COPG2: variants seen among roughly 807,000 people sequenced by gnomAD.
The protein encoded by COPG2 is coatomer subunit gamma-2.
In COPG2, 37 loss-of-function variants were observed where a neutral mutation model predicts 46.3. The observed-to-expected ratio is 0.80, with a 90% CI of 0.61 to 1.05. The LOEUF (loss-of-function observed/expected upper bound fraction) is 1.05. Ranked by LOEUF, COPG2 falls within the 50% of genes least tolerant of loss-of-function variation. The pLI, the probability that COPG2 is intolerant of heterozygous loss-of-function variation, is 0.00. For synonymous variants in COPG2, 159 were observed against 129.7 expected, an observed-to-expected ratio of 1.23 and a Z score of -1.53; for missense variants, 427 against 387.8, an observed-to-expected ratio of 1.10 and a Z score of -0.85.
chr7:130,547,996 G>C (rs1419374002), intron 19 of COPG2, among the ~76,000 whole-genome samples, 151 bp from the exon 20 acceptor site: 1 of 152,180 alleles, frequency 6.6e-6, no homozygotes, highest in Non-Finnish European at 1.5e-5. Flanking sequence ...GCAACAGGGA[G>C]AGCCTTATTC....
intron 9 of COPG2, among the ~76,000 whole-genome samples, chr7:130,578,466 T>G (rs1260686025): frequency 6.6e-6 from 1 of 151,854 alleles, no homozygotes; most frequent in Non-Finnish European, 1.5e-5. Flanking sequence ...GGAATGCAGT[T>G]CCTCACCAGC....
chr7:130,649,368 C>T (rs148279019), intron 5 of COPG2, among the ~76,000 whole-genome samples: 101 of 152,270 alleles, frequency 6.6e-4, no homozygotes, highest in African/African-American at 2.4e-3. Context: ...TAACAGGTCT[C>T]TTCTTGACTT....
chr7:130,594,323 A>G (rs1250428451), intron 9 of COPG2, among the ~76,000 whole-genome samples: 3 of 152,226 alleles, frequency 2.0e-5, no homozygotes, highest in Admixed American at 1.3e-4. Flanking sequence ...CAAAGAATTA[A>G]GTTGAATCTC....
chr7:130,612,851 A>G (rs1794875873), intron 7 of COPG2, among the ~76,000 whole-genome samples: 1 of 152,168 alleles, frequency 6.6e-6, no homozygotes. Flanking sequence ...CACCAGAAAA[A>G]GCAGAGGACA....
At chr7:130,644,977 G>A (rs535412249) in intron 5 of COPG2, among the ~76,000 whole-genome samples, 1 of 151,000 alleles carries the variant, frequency 6.6e-6, no homozygotes, top group African/African-American at 2.4e-5. Context: ...CAGGAGAATC[G>A]CTTGAACCCA....
intron 9 of COPG2, among the ~76,000 whole-genome samples, chr7:130,592,105 C>T (rs1400780321): frequency 1.3e-5 from 2 of 152,186 alleles, no homozygotes; most frequent in East Asian, 3.8e-4. Flanking sequence ...ACCTTACCCC[C>T]AACCCTGTGC....
chr7:130,535,759 T>C (rs1799873992), intron 20 of COPG2, among the ~76,000 whole-genome samples: 1 of 151,430 alleles, frequency 6.6e-6, no homozygotes, highest in African/African-American at 2.4e-5. Flanking sequence ...TGGGCCAAGC[T>C]GTAGGCATTG....
In COPG2 at chr7:130,574,386, C is replaced by T. The variant is rs541320247; in HGVS notation, c.738-9993G>A. Among the ~76,000 whole-genome samples, 21 of 152,244 alleles carry T rather than the reference C, an allele frequency of 1.4e-4. 1 individual carries two copies. Among genetic ancestry groups the T allele is most frequent in the African/African-American group, 5.1e-4 (21 of 41,544 alleles). ...ACATCACAGGACTCTGCAGACAATC[C>T]CTGGTACCAGCTTGGAGCTGGGTAG... On this transcript the variant is annotated intron_variant, in intron 9 of 23. Transcript: ENST00000425248.
chr7:130,560,480 A>G (rs1793701050), intron 12 of COPG2, among the ~76,000 whole-genome samples: 1 of 152,222 alleles, frequency 6.6e-6, no homozygotes. Flanking sequence ...AGAAATTGAT[A>G]AATTGGTCCT....
At chr7:130,649,038 A>G (rs1039034514) in intron 5 of COPG2, among the ~76,000 whole-genome samples, 2 of 152,178 alleles carry the variant, frequency 1.3e-5, no homozygotes, top group African/African-American at 2.4e-5. Flanking sequence ...GGTCTACTGT[A>G]TAAGTACAGA....
chr7:130,547,548 A>G (rs1464557222), intron 20 of COPG2, 126 bp downstream of exon 20: 2 of 397,506 alleles, frequency 5.0e-6, no homozygotes, highest in Non-Finnish European at 4.4e-6. Context: ...AAACACACAC[A>G]CACAAACACT....
intron 9 of COPG2, 77 bp downstream of exon 9, chr7:130,610,876 T>A (rs1417542002): frequency 1.3e-6 from 2 of 1,490,472 alleles, no homozygotes; most frequent in Non-Finnish European, 1.9e-6. Context: ...CCAAAAAAAA[T>A]TCAAAAAGGA....
intron 11 of COPG2, among the ~76,000 whole-genome samples, chr7:130,561,563 A>C (rs1793721363): frequency 6.6e-6 from 1 of 152,238 alleles, no homozygotes; most frequent in African/African-American, 2.4e-5. Context: ...CTAGCATAGT[A>C]GTCAGTGCTC....
At chr7:130,603,244 A>C (rs1458192476) in intron 9 of COPG2, among the ~76,000 whole-genome samples, 2 of 152,228 alleles carry the variant, frequency 1.3e-5, no homozygotes, top group African/African-American at 2.4e-5. Flanking sequence ...GTTAAGTCTA[A>C]AATAAACATA....
chr7:130,568,751 G>A (rs968418394), intron 9 of COPG2, among the ~76,000 whole-genome samples: 148 of 152,206 alleles, frequency 9.7e-4, no homozygotes, highest in African/African-American at 3.2e-3. Context: ...AACAACTGCA[G>A]AATATACATT....
intron 20 of COPG2, among the ~76,000 whole-genome samples, chr7:130,543,346 G>C (rs1013939156): frequency 2.4e-4 from 37 of 152,324 alleles, no homozygotes; most frequent in Admixed American, 2.4e-3. Context: ...GTTGCCCCTT[G>C]ATCCACAGTA....
Position 130,611,023 on chromosome 7 carries a change from GACCAGATTTAGTAAACTTATTC to G in COPG2, c.645_666del (p.Leu215PhefsTer11). ...ATGCAGTAAGCAAACTGTGACTTGA[GACCAGATTTAGTAAACTTATTC>G]AACATCTTGGAAACAGCAAGTCGAT... On this transcript the variant is annotated frameshift_variant, in exon 9 of 24. Coordinates refer to ENST00000425248, the MANE Select transcript of COPG2 (RefSeq NM_012133.6). LOFTEE classifies it high-confidence loss of function. 1 of 1,613,872 alleles carries G rather than the reference GACCAGATTTAGTAAACTTATTC, an allele frequency of 6.2e-7. No homozygotes were observed.
intron 9 of COPG2, among the ~76,000 whole-genome samples, chr7:130,576,975 C>T (rs1228244464): frequency 3.3e-5 from 5 of 152,172 alleles, no homozygotes; most frequent in African/African-American, 1.2e-4. Context: ...TTCAAACCTA[C>T]AATGAACATC....
Position 130,571,688 on chromosome 7 carries a change from T to TA in COPG2, c.738-7296dup, listed in dbSNP as rs782766452. Among the ~76,000 whole-genome samples the TA allele has an allele frequency of 8.7e-4, 133 of 152,154 alleles. 2 individuals are homozygous for TA. The highest frequency in any genetic ancestry group is 2.9e-4 in the Non-Finnish European group (20 of 68,026). On this transcript the variant is annotated intron_variant, in intron 9 of 23. Coordinates refer to ENST00000425248, the MANE Select transcript of COPG2 (RefSeq NM_012133.6). ...ATCTACCATTATCCAGCAAACCCAC[T>TA]ACTGGGTATCTACCCAGAGGAAAAG...
Sources: gnomAD v4.1 joint callset for allele counts (sites outside exome capture counted in the v4.1 genomes callset) on GRCh38, gnomAD v4.1.1 for gene constraint, MANE v1.5 for transcripts, NCBI Gene and HGNC (gene_info 2026-07-23, HGNC 2026-07-21) for gene names.